Variants in ELF4 observed in about 807,000 individuals in gnomAD.
The protein encoded by ELF4 is E74 like ETS transcription factor 4.
In ELF4, 10 loss-of-function variants were observed where a neutral mutation model predicts 31.7. The observed-to-expected ratio is 0.32, with a 90% confidence interval of 0.19 to 0.54. The LOEUF (loss-of-function observed/expected upper bound fraction) is 0.54. ELF4 is among the 20% of genes least tolerant of loss of function. The pLI, the probability that ELF4 is intolerant of heterozygous loss-of-function variation, is 0.95. For synonymous variants in ELF4, 208 were observed against 226.7 expected (o/e 0.92, Z 0.74); for missense variants, 418 against 522.0 (o/e 0.80, Z 1.94).
At chrX:130,081,639 C>A in intron 1 of ELF4, 100 bp from the exon 2 acceptor site, 1 of 358,109 alleles carries the variant, frequency 2.8e-6, no homozygotes, top group Non-Finnish European at 5.0e-6. Flanking sequence ...CATGCTAAGG[C>A]AGACTGCCAA....
At chrX:130,087,504 G>A (rs966599454) in intron 1 of ELF4, among the ~76,000 whole-genome samples, 2 of 112,511 alleles carry the variant, frequency 1.8e-5, no homozygotes, top group Admixed American at 9.4e-5. Flanking sequence ...TTTTTGAGAC[G>A]GAGTCTCACT....
chrX:130,081,474 G>A lies in ELF4; in HGVS notation c.-144C>T. On this transcript the variant is annotated 5_prime_UTR_variant, in exon 2 of 9. Transcript: ENST00000308167. Reference sequence around the variant, plus strand: ...AGTAAAATAGGGGGTGGAGAGAGCTGGAGTAGGTGGTGGCCTAAGCCAGGC... The same window carrying A: ...AGTAAAATAGGGGGTGGAGAGAGCTAGAGTAGGTGGTGGCCTAAGCCAGGC... 1.6e-6 allele frequency: 1 copy of A among 635,380 alleles called. No individual in the cohort carries two copies. The highest frequency in any genetic ancestry group is 2.2e-5 in the African/African-American group (1 of 46,371). 52.4% of individuals were successfully genotyped at this position (635,380 alleles called of 1,213,427 possible).
chrX:130,073,271 T>A (rs1163617574), intron 4 of ELF4, among the ~76,000 whole-genome samples: 1 of 110,511 alleles, frequency 9.0e-6, no homozygotes, highest in Non-Finnish European at 1.9e-5. Flanking sequence ...GTATTTTTAG[T>A]AGAGACGAGG....
At position 130,071,418 on chromosome X, in the gene ELF4, G is replaced by A; in HGVS notation, c.534C>T (p.Ile178=). ...AKKTGKSKKR[I]RKTKGNRSTS... The stretch of plus-strand genomic sequence containing the variant: ...TACTTCGGTTGCCCTTGGTCTTCCG[G>A]ACTATGAGGGAAAGGTGAGTAGGAT... The change falls in exon 6 of 9, where the codon ATC becomes ATT. Residue 178 remains isoleucine (I), a splice_region_variant and synonymous_variant. Coordinates refer to ENST00000308167, the MANE Select transcript of ELF4 (RefSeq NM_001421.4). The A allele has an allele frequency of 8.3e-7, 1 of 1,210,433 alleles. No individual in the cohort carries two copies. Among genetic ancestry groups the A allele is most frequent in the Non-Finnish European group, 1.1e-6 (1 of 894,536 alleles).
chrX:130,105,606 C>T (rs1933363713), intron 1 of ELF4, among the ~76,000 whole-genome samples: 1 of 111,486 alleles, frequency 9.0e-6, no homozygotes, highest in African/African-American at 3.3e-5. Context: ...TATGGCTAGT[C>T]CTTAGCGGTC....
Position 130,073,393 on chromosome X carries a change from A to T in ELF4, c.340+656T>A, listed in dbSNP as rs769365395. 7.2e-5 allele frequency among the ~76,000 whole-genome samples: 8 copies of T among 110,608 alleles called. No homozygotes were observed. The East Asian group carries it at 2.3e-3, about 32-fold the overall frequency. Reference sequence around the variant, plus strand: ...TGAGCCACCACACCCGGCCTGGATCACTTATTTCTAAAAGAGCCACATGCT... The same window carrying T: ...TGAGCCACCACACCCGGCCTGGATCTCTTATTTCTAAAAGAGCCACATGCT... On this transcript the variant is annotated intron_variant, in intron 4 of 8. Transcript: ENST00000308167.
At chrX:130,080,739 T>G (rs1189797801) in intron 2 of ELF4, among the ~76,000 whole-genome samples, 1 of 111,520 alleles carries the variant, frequency 9.0e-6, no homozygotes. Flanking sequence ...CCAAAAGACC[T>G]CATTTCCAGC....
At chrX:130,093,950 G>T (rs954922814) in intron 1 of ELF4, among the ~76,000 whole-genome samples, 6 of 112,352 alleles carry the variant, frequency 5.3e-5, no homozygotes, top group African/African-American at 1.9e-4. Flanking sequence ...TGAGAGCAGG[G>T]GCCGGGCGTG....
intron 1 of ELF4, among the ~76,000 whole-genome samples, chrX:130,107,569 C>T (rs1019936777): frequency 3.6e-5 from 4 of 112,065 alleles, no homozygotes; most frequent in African/African-American, 1.3e-4. Context: ...CGAAAAGGTA[C>T]ACACAATCCC....
chrX:130,081,595 T>C (rs1054838290), intron 1 of ELF4, 56 bp from the exon 2 acceptor site: 1 of 408,350 alleles, frequency 2.4e-6, no homozygotes, highest in Non-Finnish European at 4.3e-6. Context: ...TGAGCTCTGT[T>C]GCCAGAACTG....
intron 2 of ELF4, among the ~76,000 whole-genome samples, chrX:130,078,758 TCTCTACACAC>T (rs1320795538): frequency 1.0e-3 from 85 of 84,504 alleles, no homozygotes; most frequent in African/African-American, 3.8e-3. Flanking sequence ...ACTCTCTCTC[TCTCTACACAC>T]ACACACACAC....
chrX:130,089,509 CAAAAAAAAA>C (rs777456574), intron 1 of ELF4, among the ~76,000 whole-genome samples: 2 of 19,459 alleles, frequency 1.0e-4, no homozygotes, highest in African/African-American at 5.8e-4. Flanking sequence ...GACCTCAGCT[CAAAAAAAAA>C]AAAAAAAAAA....
intron 1 of ELF4, among the ~76,000 whole-genome samples, chrX:130,083,519 T>C (rs528677543): frequency 1.6e-4 from 18 of 111,398 alleles, no homozygotes; most frequent in African/African-American, 5.5e-4. Flanking sequence ...AACTCCTGTG[T>C]GTGTCCCTTC....
At chrX:130,104,458 G>C (rs1933341269) in intron 1 of ELF4, among the ~76,000 whole-genome samples, 1 of 111,496 alleles carries the variant, frequency 9.0e-6, no homozygotes, top group Non-Finnish European at 1.9e-5. Flanking sequence ...TTGGTCCCTA[G>C]AGCCTGGCAA....
rs1236749455 is a variant in ELF4 at position 130,075,946 on chromosome X, G to A, written c.76-1194C>T. On this transcript the variant is annotated intron_variant, in intron 2 of 8. Transcript: ENST00000308167. ...GACATGGAGATACTGCTCATGCCAAGGGAGGGCCCAGGAGGAGGAAGAGCA... is the reference window on the plus strand; with the variant it reads ...GACATGGAGATACTGCTCATGCCAAAGGAGGGCCCAGGAGGAGGAAGAGCA... Among the ~76,000 whole-genome samples the A allele has an allele frequency of 3.6e-5, 4 of 111,768 alleles. No individual in the cohort carries two copies. The East Asian group carries it at 1.1e-3, about 31-fold the overall frequency.
intron 1 of ELF4, among the ~76,000 whole-genome samples, chrX:130,084,743 C>T (rs1233736153): frequency 8.9e-6 from 1 of 111,892 alleles, no homozygotes; most frequent in Non-Finnish European, 1.9e-5. Flanking sequence ...TCCCCCTCCC[C>T]CTTGAGATGT....
chrX:130,096,948 G>T lies in ELF4; in HGVS notation c.-210+13377C>A, dbSNP rs766792273. On this transcript the variant is annotated intron_variant, in intron 1 of 8. Coordinates refer to ENST00000308167, the MANE Select transcript of ELF4 (RefSeq NM_001421.4). The stretch of plus-strand genomic sequence containing the variant: ...CTGTAAAGTGAAGTAGGCGAGTTTG[G>T]TAATCTTTTGCTAAAGGCTCAGCCA... 6.3e-5 allele frequency among the ~76,000 whole-genome samples: 7 copies of T among 110,845 alleles called. No individual in the cohort carries two copies. In the Admixed American group the frequency reaches 6.8e-4, roughly 11 times the overall value.
chrX:130,072,517 GC>G, intron 4 of ELF4, 100 bp from the exon 5 acceptor site: 1 of 873,734 alleles, frequency 1.1e-6, no homozygotes, highest in Non-Finnish European at 1.7e-6. Flanking sequence ...AGGGCGGGGG[GC>G]TCATCCCCCC....
chrX:130,105,634 A>C (rs1933364203), intron 1 of ELF4, among the ~76,000 whole-genome samples: 1 of 111,058 alleles, frequency 9.0e-6, no homozygotes, highest in South Asian at 3.8e-4. Flanking sequence ...AAACACATGA[A>C]ACTCTACATT....
Sources: allele counts gnomAD v4.1 joint callset (sites outside exome capture counted in the v4.1 genomes callset), GRCh38; gene constraint gnomAD v4.1.1; transcripts MANE v1.5; gene names NCBI Gene and HGNC (gene_info 2026-07-23, HGNC 2026-07-21).